Variants in CPQ observed in about 807,000 individuals in gnomAD.
CPQ encodes Ser-Met dipeptidase.
CPQ carries 37 observed loss-of-function variants against 45.7 expected under a neutral mutation model. The ratio of observed to expected loss-of-function variants is 0.81; its 90% CI spans 0.62 to 1.07. The LOEUF is 1.07. Among genes scored for constraint, CPQ ranks in the 50% least tolerant of loss-of-function variants. The pLI is 0.00. For missense variants in CPQ, 537 were observed against 572.9 expected (o/e 0.94, Z 0.64); for synonymous variants, 186 against 205.8 (o/e 0.90, Z 0.82).
intron 1 of CPQ, among the ~76,000 whole-genome samples, chr8:96,713,707 G>A (rs898502237): frequency 2.6e-5 from 4 of 152,144 alleles, no homozygotes; most frequent in African/African-American, 7.2e-5. Context: ...ATGAGATTTG[G>A]ATGGGGACAC....
intron 1 of CPQ, among the ~76,000 whole-genome samples, chr8:96,750,161 A>G (rs1810239968): frequency 6.6e-6 from 1 of 151,818 alleles, no homozygotes; most frequent in South Asian, 2.1e-4. Context: ...ACACACACAT[A>G]TGCTACACAA....
At chr8:96,846,980 G>T (rs931252594) in intron 3 of CPQ, among the ~76,000 whole-genome samples, 10 of 152,120 alleles carry the variant, frequency 6.6e-5, no homozygotes, top group African/African-American at 2.4e-4. Context: ...CTCTCAGTTT[G>T]GAGTTGTTCC....
intron 7 of CPQ, among the ~76,000 whole-genome samples, chr8:97,117,474 T>C (rs576414358): frequency 1.4e-4 from 21 of 152,158 alleles, no homozygotes; most frequent in Non-Finnish European, 2.6e-4. Flanking sequence ...CATGTTCCAA[T>C]AGAGCTAGGA....
At chr8:97,069,279 G>T (rs971400157) in intron 7 of CPQ, among the ~76,000 whole-genome samples, 1 of 151,710 alleles carries the variant, frequency 6.6e-6, no homozygotes, top group South Asian at 2.1e-4. Context: ...TTCAAATTTG[G>T]GCTATTCCTG....
intron 5 of CPQ, among the ~76,000 whole-genome samples, chr8:97,009,648 T>C (rs563871481): frequency 6.6e-6 from 1 of 152,346 alleles, no homozygotes; most frequent in South Asian, 2.1e-4. Context: ...CTTAAGCATG[T>C]CTATAGTATA....
chr8:97,001,057 T>A (rs1202824906), intron 5 of CPQ, among the ~76,000 whole-genome samples: 1 of 152,042 alleles, frequency 6.6e-6, no homozygotes, highest in African/African-American at 2.4e-5. Context: ...TGGTGGTATA[T>A]AGGAAGGTTA....
intron 5 of CPQ, among the ~76,000 whole-genome samples, chr8:97,023,401 C>G (rs911981314): frequency 6.6e-6 from 1 of 151,902 alleles, no homozygotes; most frequent in African/African-American, 2.4e-5. Flanking sequence ...ATGGGTGCAC[C>G]AAAATCTCAC....
chr8:96,831,876 C>T (rs1050989143), intron 2 of CPQ, among the ~76,000 whole-genome samples: 4 of 152,042 alleles, frequency 2.6e-5, no homozygotes, highest in East Asian at 1.9e-4. Context: ...TTTAAATGTA[C>T]GTATAAATTA....
intron 7 of CPQ, among the ~76,000 whole-genome samples, chr8:97,085,269 A>G (rs1460901352): frequency 6.6e-6 from 1 of 152,040 alleles, no homozygotes; most frequent in Admixed American, 6.6e-5. Context: ...CTGTAGTTCT[A>G]ACTACTTGGG....
chr8:96,987,539 T>C (rs1809008225), intron 5 of CPQ, among the ~76,000 whole-genome samples: 1 of 152,226 alleles, frequency 6.6e-6, no homozygotes, highest in African/African-American at 2.4e-5. Context: ...ACATTTGGGA[T>C]GCACATCAGA....
At chr8:96,747,264 C>G (rs1810199296) in intron 1 of CPQ, among the ~76,000 whole-genome samples, 1 of 146,518 alleles carries the variant, frequency 6.8e-6, no homozygotes, top group Non-Finnish European at 1.5e-5. Context: ...GCACTCCAGC[C>G]TGGGTGACAG....
chr8:96,729,040 T>C lies in CPQ; in HGVS notation c.-34-55824T>C, dbSNP rs567801951. On this transcript the variant is annotated intron_variant, in intron 1 of 7. Coordinates refer to ENST00000220763, the MANE Select transcript of CPQ (RefSeq NM_016134.4). ...TTGTAGTCAGTGCCTATATTACTTA[T>C]ATGTAGGGAGAAGATTTGCATCCCA... 5.9e-5 allele frequency among the ~76,000 whole-genome samples: 9 copies of C among 152,314 alleles called. 2 individuals are homozygous for C. The highest frequency in any genetic ancestry group is 2.2e-4 in the African/African-American group (9 of 41,558).
chr8:97,117,641 C>A (rs1181980144), intron 7 of CPQ, among the ~76,000 whole-genome samples: 3 of 152,060 alleles, frequency 2.0e-5, no homozygotes, highest in South Asian at 4.2e-4. Flanking sequence ...CAAGCAATCC[C>A]CCTGCCTCAG....
chr8:97,038,399 C>G (rs1418950250), intron 6 of CPQ, among the ~76,000 whole-genome samples: 1 of 152,142 alleles, frequency 6.6e-6, no homozygotes, highest in Non-Finnish European at 1.5e-5. Flanking sequence ...TACTCCTAAC[C>G]AGGTCATGAC....
chr8:96,910,609 A>T (rs1586448008), intron 4 of CPQ, among the ~76,000 whole-genome samples: 1 of 152,032 alleles, frequency 6.6e-6, no homozygotes, highest in Admixed American at 6.6e-5. Context: ...GGTTCATGCC[A>T]TTCTCCTGCC....
At chr8:97,126,119 A>G (rs999544981) in intron 7 of CPQ, among the ~76,000 whole-genome samples, 8 of 152,232 alleles carry the variant, frequency 5.3e-5, no homozygotes, top group African/African-American at 1.9e-4. Flanking sequence ...GGAAGATTAC[A>G]TAATTGTTTT....
At chr8:96,743,813 T>G (rs1354923452) in intron 1 of CPQ, among the ~76,000 whole-genome samples, 1 of 152,228 alleles carries the variant, frequency 6.6e-6, no homozygotes. Context: ...GGGACCCACT[T>G]GCGGAGGCAG....
chr8:96,902,893 G>A (rs1449608239), intron 4 of CPQ, among the ~76,000 whole-genome samples: 6 of 152,160 alleles, frequency 3.9e-5, no homozygotes, highest in South Asian at 2.1e-4. Context: ...CTGTCCAATC[G>A]ACTTCTCTGA....
At chr8:97,089,793 C>A (rs1811101241) in intron 7 of CPQ, among the ~76,000 whole-genome samples, 1 of 152,110 alleles carries the variant, frequency 6.6e-6, no homozygotes, top group Admixed American at 6.6e-5. Flanking sequence ...GAAACACTTA[C>A]CCCTGGACCA....
Sources: gnomAD v4.1 joint callset for allele counts (sites outside exome capture counted in the v4.1 genomes callset) on GRCh38, gnomAD v4.1.1 for gene constraint, MANE v1.5 for transcripts, NCBI Gene and HGNC (gene_info 2026-07-23, HGNC 2026-07-21) for gene names.